Variants in PTP4A1 observed in about 807,000 individuals in gnomAD.
The protein encoded by PTP4A1 is protein tyrosine phosphatase 4A1, also known as protein tyrosine phosphatase type IVA 1.
A neutral mutation model predicts 20.5 loss-of-function variants in PTP4A1; 9 were observed. The observed-to-expected ratio is 0.44, with a 90% CI of 0.26 to 0.77. The LOEUF (loss-of-function observed/expected upper bound fraction) is 0.77. PTP4A1 is among the 30% of genes least tolerant of loss of function. The pLI is 0.19. For synonymous variants in PTP4A1, 78 were observed against 67.4 expected (o/e 1.16, Z -0.77); for missense variants, 137 against 218.8 (o/e 0.63, Z 2.36).
intron 2 of PTP4A1, among the ~76,000 whole-genome samples, chr6:63,544,116 T>A (rs2149485630): frequency 6.6e-6 from 1 of 152,254 alleles, no homozygotes; most frequent in East Asian, 1.9e-4. Flanking sequence ...CTTACAATTG[T>A]GGGGAGTAAA....
intron 2 of PTP4A1, among the ~76,000 whole-genome samples, chr6:63,550,132 T>G (rs992386918): frequency 4.6e-5 from 7 of 152,150 alleles, no homozygotes; most frequent in African/African-American, 1.7e-4. Flanking sequence ...AAAGAAAAAC[T>G]TTAAAACTGA....
intron 1 of PTP4A1, among the ~76,000 whole-genome samples, chr6:63,526,638 T>C (rs1021645124): frequency 6.6e-6 from 1 of 151,418 alleles, no homozygotes; most frequent in Non-Finnish European, 1.5e-5. Flanking sequence ...TGAAACCCTG[T>C]CTCTACTAAA....
rs1778243473 is a variant in PTP4A1, at chr6:63,581,708, T to C, written c.*1534T>C. 1 of 152,134 alleles carries C rather than the reference T, an allele frequency of 6.6e-6. No individual in the cohort carries two copies. The highest frequency in any genetic ancestry group is 2.4e-5 in the African/African-American group (1 of 41,446). 9.4% of individuals were successfully genotyped at this position (152,134 alleles called of 1,614,324 possible). A position where few individuals can be genotyped will look rare whatever the true frequency, so the allele number is the denominator to read the frequency against. ...TTTATTATTGTGTACTGAGGAGAAA[T>C]AATGTATAGTAGAGGACAGCCTTGG... On this transcript the variant is annotated 3_prime_UTR_variant, in exon 6 of 6. Coordinates refer to ENST00000626021, the MANE Select transcript of PTP4A1 (RefSeq NM_003463.5).
chr6:63,530,693 C>T (rs1397264357), intron 2 of PTP4A1, among the ~76,000 whole-genome samples: 1 of 152,096 alleles, frequency 6.6e-6, no homozygotes, highest in Non-Finnish European at 1.5e-5. Flanking sequence ...AAAACATATA[C>T]ATAGAAAAAT....
At chr6:63,562,216 T>C (rs974124580) in intron 3 of PTP4A1, among the ~76,000 whole-genome samples, 1 of 151,154 alleles carries the variant, frequency 6.6e-6, no homozygotes, top group African/African-American at 2.4e-5. Context: ...TTTTTTTTTT[T>C]GAGACAGAGT....
chr6:63,577,075 A>G (rs1317178908), intron 2 of PTP4A1, 90 bp downstream of exon 2: 1 of 921,676 alleles, frequency 1.1e-6, no homozygotes, highest in South Asian at 1.6e-5. Flanking sequence ...TTTGGAAAAA[A>G]TGAGATGATA....
chr6:63,571,194 TAC>T (rs1385653322), upstream of PTP4A1: 3 of 152,188 alleles, frequency 2.0e-5, no homozygotes, highest in South Asian at 2.1e-4. Flanking sequence ...TTATTTTACT[TAC>T]AGAGTTAAGA....
chr6:63,540,477 C>T (rs1038707856), intron 2 of PTP4A1, among the ~76,000 whole-genome samples: 5 of 151,682 alleles, frequency 3.3e-5, no homozygotes, highest in Non-Finnish European at 7.4e-5. Flanking sequence ...AAAAATTAGC[C>T]GGGTGTGGTG....
At chr6:63,526,829 A>ATT (rs1203729236) in intron 1 of PTP4A1, among the ~76,000 whole-genome samples, 22 of 139,980 alleles carry the variant, frequency 1.6e-4, no homozygotes, top group African/African-American at 6.0e-4. Flanking sequence ...ATATATATAT[A>ATT]TATATATTTA....
intron 3 of PTP4A1, among the ~76,000 whole-genome samples, chr6:63,563,116 G>A (rs1055177015): frequency 6.6e-6 from 1 of 152,184 alleles, no homozygotes; most frequent in East Asian, 1.9e-4. Context: ...GACAAGGCAG[G>A]AAATCTCAAG....
At chr6:63,525,517 C>G (rs1213522667) in intron 1 of PTP4A1, among the ~76,000 whole-genome samples, 1 of 152,208 alleles carries the variant, frequency 6.6e-6, no homozygotes, top group Non-Finnish European at 1.5e-5. Context: ...TTCCCCATCT[C>G]CCAGAACCTA....
chr6:63,575,487 A>T (rs1282181153), intron 1 of PTP4A1, among the ~76,000 whole-genome samples: 1 of 152,184 alleles, frequency 6.6e-6, no homozygotes, highest in East Asian at 1.9e-4. Context: ...TTAGTTCTTA[A>T]GGGGGAACTT....
chr6:63,582,896 C>G lies in PTP4A1; in HGVS notation c.*2722C>G, dbSNP rs1778331914. 6.6e-6 allele frequency: 1 copy of G among 152,210 alleles called. No homozygotes were observed. The highest frequency in any genetic ancestry group is 1.5e-5 in the Non-Finnish European group (1 of 68,070). 9.4% of individuals were successfully genotyped at this position (152,210 alleles called of 1,614,324 possible). A position where few individuals can be genotyped will look rare whatever the true frequency, so the allele number is the denominator to read the frequency against. ...CCTAGAAGCAGCCAGCCCAGGCATG[C>G]AGTCACATTTAATCACATCCCCCTT... is the stretch of plus-strand genomic sequence containing the variant. On this transcript the variant is annotated 3_prime_UTR_variant, in exon 6 of 6. Coordinates refer to ENST00000626021, the MANE Select transcript of PTP4A1 (RefSeq NM_003463.5).
intron 1 of PTP4A1, among the ~76,000 whole-genome samples, chr6:63,527,465 T>C (rs1368412366): frequency 6.6e-6 from 1 of 152,174 alleles, no homozygotes; most frequent in Non-Finnish European, 1.5e-5. Context: ...CTTCTTATGT[T>C]GTAGATATCT....
chr6:63,552,481 G>C (rs571981068), intron 3 of PTP4A1, among the ~76,000 whole-genome samples: 1 of 152,190 alleles, frequency 6.6e-6, no homozygotes, highest in African/African-American at 2.4e-5. Flanking sequence ...CCATTCTGTA[G>C]GTTGCCTGTT....
At chr6:63,557,062 G>T (rs568503137) in intron 3 of PTP4A1, among the ~76,000 whole-genome samples, 1 of 152,276 alleles carries the variant, frequency 6.6e-6, no homozygotes, top group East Asian at 1.9e-4. Context: ...TACTTATTAT[G>T]TGCCAAGTAC....
intron 3 of PTP4A1, among the ~76,000 whole-genome samples, chr6:63,564,706 C>T (rs1777112983): frequency 6.6e-6 from 1 of 152,164 alleles, no homozygotes; most frequent in African/African-American, 2.4e-5. Flanking sequence ...CTATTTTTGC[C>T]TCAGTTCAGA....
chr6:63,576,361 G>C, intron 1 of PTP4A1, 75 bp from the exon 2 acceptor site: 1 of 397,802 alleles, frequency 2.5e-6, no homozygotes, highest in East Asian at 3.6e-5. Flanking sequence ...TACTTAAATA[G>C]TGTAAAACCC....
At chr6:63,544,043 A>C (rs1372066762) in intron 2 of PTP4A1, among the ~76,000 whole-genome samples, 1 of 152,132 alleles carries the variant, frequency 6.6e-6, no homozygotes, top group African/African-American at 2.4e-5. Flanking sequence ...CTCCGCCCCC[A>C]ACCCCGTATT....
Sources: allele counts gnomAD v4.1 joint callset (sites outside exome capture counted in the v4.1 genomes callset), GRCh38; gene constraint gnomAD v4.1.1; transcripts MANE v1.5; gene names NCBI Gene and HGNC (gene_info 2026-07-23, HGNC 2026-07-21).